Variants in FIGN observed in about 807,000 individuals in gnomAD.
FIGN encodes the protein fidgetin.
Under a neutral mutation model 51.3 loss-of-function variants are expected in FIGN, and 11 were observed. That is an observed-to-expected ratio of 0.21 (90% CI 0.13 to 0.35). The LOEUF (loss-of-function observed/expected upper bound fraction) is 0.35, where lower values mean the gene tolerates loss of function less well. Ranked by LOEUF, FIGN falls within the 10% of genes least tolerant of loss-of-function variation. FIGN has a pLI of 1.00. For synonymous variants in FIGN, 407 were observed against 363.2 expected (o/e 1.12, Z -1.37); for missense variants, 857 against 943.6 (o/e 0.91, Z 1.20).
chr2:163,644,785 C>A (rs1401955793), intron 2 of FIGN, among the ~76,000 whole-genome samples: 1 of 152,134 alleles, frequency 6.6e-6, no homozygotes, highest in Non-Finnish European at 1.5e-5. Context: ...CCTGAGTGAA[C>A]TTTGAAAAAT....
intron 2 of FIGN, among the ~76,000 whole-genome samples, chr2:163,649,386 G>A (rs537672263): frequency 9.2e-5 from 14 of 152,234 alleles, no homozygotes; most frequent in South Asian, 2.1e-4. Context: ...TAACAGCTTC[G>A]CCTTTTCTGC....
At chr2:163,661,774 G>C (rs139124649) in intron 2 of FIGN, among the ~76,000 whole-genome samples, 1 of 152,126 alleles carries the variant, frequency 6.6e-6, no homozygotes, top group African/African-American at 2.4e-5. Context: ...TTTATCAGGG[G>C]TTTCTGCTTT....
chr2:163,611,836 T>G (rs747180137), intron 2 of FIGN, 30 bp from the exon 3 acceptor site: 17 of 1,569,850 alleles, frequency 1.1e-5, no homozygotes, highest in Admixed American at 5.4e-5. Flanking sequence ...AAGAGTTAAT[T>G]TACTTAAATA....
At chr2:163,661,993 T>A (rs181008941) in intron 2 of FIGN, among the ~76,000 whole-genome samples, 1 of 152,304 alleles carries the variant, frequency 6.6e-6, no homozygotes, top group East Asian at 1.9e-4. Flanking sequence ...GCTTAAAAGA[T>A]ACCTGAAAAT....
intron 2 of FIGN, among the ~76,000 whole-genome samples, chr2:163,719,019 G>A (rs1441610617): frequency 1.3e-5 from 2 of 152,064 alleles, no homozygotes; most frequent in Non-Finnish European, 2.9e-5. Context: ...ATCATTGCCT[G>A]TCAATATCTT....
chr2:163,635,942 A>G (rs967360525), intron 2 of FIGN, among the ~76,000 whole-genome samples: 1 of 152,248 alleles, frequency 6.6e-6, no homozygotes, highest in Non-Finnish European at 1.5e-5. Flanking sequence ...ATGTATAAAG[A>G]AAGATATATA....
intron 2 of FIGN, among the ~76,000 whole-genome samples, chr2:163,629,952 CTTTTTTTTTTTTTTTTT>C (rs71297448): frequency 1.8e-5 from 1 of 56,928 alleles, no homozygotes. Flanking sequence ...GAAAGGGGCA[CTTTTTTTTTTTTTTTTT>C]TTTTTTTTTT....
chr2:163,684,117 A>G (rs776789326), intron 2 of FIGN, among the ~76,000 whole-genome samples: 5 of 152,138 alleles, frequency 3.3e-5, no homozygotes, highest in Non-Finnish European at 5.9e-5. Flanking sequence ...TTTCTTTATC[A>G]TAGATCATTA....
chr2:163,696,609 C>A (rs1684322860), intron 2 of FIGN, among the ~76,000 whole-genome samples: 1 of 151,988 alleles, frequency 6.6e-6, no homozygotes, highest in South Asian at 2.1e-4. Flanking sequence ...TTCTTATAAT[C>A]CTGTGAGATA....
chr2:163,629,952 C>CTTTTT lies in FIGN; in HGVS notation c.26-18151_26-18147dup, dbSNP rs71297448. On this transcript the variant is annotated intron_variant, in intron 2 of 2. Transcript: ENST00000333129. ...CCAACATAGGGTGAAGAAAGGGGCA[C>CTTTTT]TTTTTTTTTTTTTTTTTTTTTTTTT... 3.5e-4 allele frequency among the ~76,000 whole-genome samples: 20 copies of CTTTTT among 56,936 alleles called. 2 individuals are homozygous for CTTTTT. Among genetic ancestry groups the CTTTTT allele is most frequent in the Admixed American group, 7.0e-4 (3 of 4,282 alleles). The allele number at this position is 56,936 out of a possible 152,430, so 37.4% of individuals were successfully genotyped here. A position where few individuals can be genotyped will look rare whatever the true frequency, so the allele number is the denominator to read the frequency against.
chr2:163,708,925 T>A (rs1201841843), intron 2 of FIGN, among the ~76,000 whole-genome samples: 1 of 152,216 alleles, frequency 6.6e-6, no homozygotes, highest in Non-Finnish European at 1.5e-5. Flanking sequence ...AGACTATTGT[T>A]CATTGTTCAC....
chr2:163,698,484 G>A (rs1684357697), intron 2 of FIGN, among the ~76,000 whole-genome samples: 1 of 151,948 alleles, frequency 6.6e-6, no homozygotes, highest in Admixed American at 6.6e-5. Context: ...AGACAATGCA[G>A]GTCTTATTTC....
intron 2 of FIGN, among the ~76,000 whole-genome samples, chr2:163,671,267 G>A (rs1045065882): frequency 6.6e-6 from 1 of 152,078 alleles, no homozygotes; most frequent in African/African-American, 2.4e-5. Context: ...TAAATACAAG[G>A]CAGCAAAAAC....
chr2:163,694,392 C>G lies in FIGN; in HGVS notation c.25+40511G>C, dbSNP rs374355465. ...ATAATACCTATTAGCATTCTAGGGG[C>G]TCTAAGAGGTCCTATTGTAAAGAAA... On this transcript the variant is annotated intron_variant, in intron 2 of 2. Transcript: ENST00000333129. 3.3e-5 allele frequency among the ~76,000 whole-genome samples: 5 copies of G among 152,278 alleles called. No individual in the cohort carries two copies. In the South Asian group the frequency reaches 6.2e-4, roughly 19 times the overall value.
intron 2 of FIGN, among the ~76,000 whole-genome samples, chr2:163,677,047 C>G (rs966907207): frequency 2.0e-5 from 3 of 152,148 alleles, no homozygotes; most frequent in South Asian, 2.1e-4. Flanking sequence ...ACTTTGTTGA[C>G]AGCAACAATA....
chr2:163,634,135 T>TA (rs1386655270), intron 2 of FIGN, among the ~76,000 whole-genome samples: 1 of 150,996 alleles, frequency 6.6e-6, no homozygotes, highest in African/African-American at 2.4e-5. Context: ...TGGCTCACTT[T>TA]AAAAAAAGAA....
chr2:163,622,099 A>G (rs1442920609), intron 2 of FIGN, among the ~76,000 whole-genome samples: 1 of 152,186 alleles, frequency 6.6e-6, no homozygotes, highest in Admixed American at 6.6e-5. Context: ...TTCTCCAATT[A>G]ATTCCAACTC....
Position 163,665,240 on chromosome 2 carries a change from C to T in FIGN, c.26-53434G>A, listed in dbSNP as rs190761415. ...TATATCCAGGGAGTAAATGCCTAGG[C>T]TCACATTTGCATGCTCACTCCATCC... On this transcript the variant is annotated intron_variant, in intron 2 of 2. Transcript: ENST00000333129. Among the ~76,000 whole-genome samples, 31 of 152,324 alleles carry T rather than the reference C, an allele frequency of 2.0e-4. 1 individual carries two copies. In the East Asian group the frequency reaches 3.5e-3, roughly 17 times the overall value.
Position 163,611,120 on chromosome 2 carries a change from C to T in FIGN, c.712G>A (p.Gly238Arg). Residue 238 changes from glycine to arginine, a missense_variant, in exon 3 of 3, where the codon GGG (glycine) becomes AGG (arginine). Gly to Arg is a moderately radical substitution (Grantham distance 125, BLOSUM62 -2). Transcript: ENST00000333129. ...CTGTAACTGGAGAGGTTAGAAGTCCCATTGTAGCCTGGGACCAAGGCTGGT... is the reference window on the plus strand; with the variant it reads ...CTGTAACTGGAGAGGTTAGAAGTCCTATTGTAGCCTGGGACCAAGGCTGGT... Reference protein sequence around the residue: ...PPPALVPGYNGTSNLSSYSYP... With the variant: ...PPPALVPGYNRTSNLSSYSYP... 2 of 1,614,070 alleles carry T rather than the reference C, an allele frequency of 1.2e-6. No homozygotes were observed. Among genetic ancestry groups the T allele is most frequent in the South Asian group, 2.2e-5 (2 of 91,072 alleles).
Sources: allele counts gnomAD v4.1 joint callset (sites outside exome capture counted in the v4.1 genomes callset), GRCh38; gene constraint gnomAD v4.1.1; transcripts MANE v1.5; gene names NCBI Gene and HGNC (gene_info 2026-07-23, HGNC 2026-07-21).